TAFA2: variants seen among roughly 807,000 people sequenced by gnomAD.
The protein encoded by TAFA2 is TAFA chemokine like family member 2.
In TAFA2, 7 loss-of-function variants were observed where a neutral mutation model predicts 18.8. That is an observed-to-expected ratio of 0.37 (90% CI 0.21 to 0.70). TAFA2 has a LOEUF of 0.70. Ranked by LOEUF, TAFA2 falls within the 30% of genes least tolerant of loss-of-function variation. The pLI is 0.53. For missense variants in TAFA2, 122 were observed against 158.1 expected, an observed-to-expected ratio of 0.77 and a Z score of 1.23; for synonymous variants, 60 against 54.2, an observed-to-expected ratio of 1.11 and a Z score of -0.47.
chr12:62,124,929 T>A (rs560862500), intron 1 of TAFA2, among the ~76,000 whole-genome samples: 1 of 152,192 alleles, frequency 6.6e-6, no homozygotes, highest in South Asian at 2.1e-4. Context: ...ACTACATAAT[T>A]TGAAATAGCC....
intron 1 of TAFA2, among the ~76,000 whole-genome samples, chr12:62,065,302 C>T (rs373016664): frequency 2.6e-5 from 4 of 151,994 alleles, no homozygotes; most frequent in Non-Finnish European, 5.9e-5. Context: ...TCAGTCCAAA[C>T]GTCAACAATA....
intron 4 of TAFA2, among the ~76,000 whole-genome samples, chr12:61,722,241 C>G (rs964487054): frequency 2.6e-5 from 4 of 152,160 alleles, no homozygotes; most frequent in African/African-American, 9.6e-5. Context: ...AAAGACTAAT[C>G]ATGTAATTAG....
intron 1 of TAFA2, among the ~76,000 whole-genome samples, chr12:62,182,897 C>T (rs1403496342): frequency 6.6e-6 from 1 of 152,212 alleles, no homozygotes; most frequent in Non-Finnish European, 1.5e-5. Flanking sequence ...AGAAAACATA[C>T]AGCACAATAC....
chr12:62,096,964 ATC>A (rs998241437), intron 1 of TAFA2, among the ~76,000 whole-genome samples: 1 of 151,942 alleles, frequency 6.6e-6, no homozygotes, highest in Admixed American at 6.6e-5. Context: ...CATTTTGCAT[ATC>A]TCTCTCTCTC....
At chr12:62,150,336 G>A (rs1294141218) in intron 1 of TAFA2, among the ~76,000 whole-genome samples, 1 of 152,044 alleles carries the variant, frequency 6.6e-6, no homozygotes, top group Non-Finnish European at 1.5e-5. Context: ...AACAGATATG[G>A]TATTAGATAC....
chr12:61,872,786 GCTTTTCATAATCAC>G (rs1292902704), intron 1 of TAFA2, among the ~76,000 whole-genome samples: 3 of 152,002 alleles, frequency 2.0e-5, no homozygotes, highest in Non-Finnish European at 4.4e-5. Flanking sequence ...GTAGTGGTCT[GCTTTTCATAATCAC>G]CTTCACAGAG....
chr12:62,207,288 A>G (rs754291462), intron 1 of TAFA2: 2 of 152,208 alleles, frequency 1.3e-5, no homozygotes, highest in Admixed American at 1.3e-4. Context: ...ATATATTTCA[A>G]TTTACAAGAT....
intron 1 of TAFA2, among the ~76,000 whole-genome samples, chr12:62,017,684 T>A (rs146989409): frequency 4.0e-4 from 61 of 152,328 alleles, no homozygotes; most frequent in Admixed American, 1.9e-3. Flanking sequence ...ACAAGTTAAA[T>A]ACCAGGTTAT....
intron 4 of TAFA2, among the ~76,000 whole-genome samples, chr12:61,711,491 T>C (rs1327283497): frequency 6.6e-6 from 1 of 152,168 alleles, no homozygotes; most frequent in East Asian, 1.9e-4. Context: ...GTCAAAATTT[T>C]GATTTTATTC....
At chr12:62,161,613 G>A (rs949402799) in intron 1 of TAFA2, among the ~76,000 whole-genome samples, 4 of 152,098 alleles carry the variant, frequency 2.6e-5, no homozygotes, top group Admixed American at 6.6e-5. Flanking sequence ...GGTTATTCAG[G>A]TGATGGATGC....
chr12:62,128,435 C>T (rs186616292), intron 1 of TAFA2, among the ~76,000 whole-genome samples: 1 of 152,084 alleles, frequency 6.6e-6, no homozygotes, highest in East Asian at 1.9e-4. Flanking sequence ...GCTAATTATT[C>T]AACATAGCTG....
At chr12:62,137,391 C>T (rs899886472) in intron 1 of TAFA2, among the ~76,000 whole-genome samples, 1 of 152,066 alleles carries the variant, frequency 6.6e-6, no homozygotes, top group Non-Finnish European at 1.5e-5. Flanking sequence ...TATTATTATT[C>T]CTACTCAAGA....
At chr12:62,091,991 A>G (rs1204476970) in intron 1 of TAFA2, among the ~76,000 whole-genome samples, 2 of 152,018 alleles carry the variant, frequency 1.3e-5, no homozygotes, top group African/African-American at 4.8e-5. Flanking sequence ...AACCATTTGA[A>G]CATTTAAAAT....
At chr12:62,084,785 A>G (rs1160684800) in intron 1 of TAFA2, among the ~76,000 whole-genome samples, 1 of 152,176 alleles carries the variant, frequency 6.6e-6, no homozygotes, top group African/African-American at 2.4e-5. Flanking sequence ...AGTGATATGC[A>G]TTCAGCAGAA....
chr12:62,182,033 A>C (rs1299811548), intron 1 of TAFA2, among the ~76,000 whole-genome samples: 1 of 150,708 alleles, frequency 6.6e-6, no homozygotes. Context: ...TAGAACAAAA[A>C]CCTAGACATT....
chr12:62,105,108 T>G (rs1869390206), intron 1 of TAFA2, among the ~76,000 whole-genome samples: 1 of 152,184 alleles, frequency 6.6e-6, no homozygotes, highest in African/African-American at 2.4e-5. Context: ...ATTTTCAACT[T>G]TTATTTGTCC....
At chr12:62,241,659 G>T (rs2062863500) in intron 1 of TAFA2, among the ~76,000 whole-genome samples, 1 of 152,160 alleles carries the variant, frequency 6.6e-6, no homozygotes, top group African/African-American at 2.4e-5. Context: ...AACCCTTGAA[G>T]ATTTGTATGT....
In TAFA2 at chr12:62,059,139, ATGTGTG is replaced by A. The variant is rs374882700; in HGVS notation, c.-2+132114_-2+132119del. On this transcript the variant is annotated intron_variant, in intron 1 of 4. Coordinates refer to ENST00000416284, the MANE Select transcript of TAFA2 (RefSeq NM_178539.5). ...TAATAATATATATATATGTGTGTAT[ATGTGTG>A]TGTGTGTGTGTGTGTGTGTGTGTGT... is the stretch of plus-strand genomic sequence containing the variant. Among the ~76,000 whole-genome samples, 584 of 136,324 alleles carry A rather than the reference ATGTGTG, an allele frequency of 4.3e-3. 1 individual carries two copies. The highest frequency in any genetic ancestry group is 7.6e-3 in the Middle Eastern group (2 of 262). 89.4% of individuals were successfully genotyped at this position (136,324 alleles called of 152,430 possible). A position where few individuals can be genotyped will look rare whatever the true frequency, so the allele number is the denominator to read the frequency against.
At chr12:62,143,368 C>T (rs1355470887) in intron 1 of TAFA2, among the ~76,000 whole-genome samples, 5 of 152,164 alleles carry the variant, frequency 3.3e-5, no homozygotes. Context: ...ATCATTAAGG[C>T]CATGCCTGAT....
Sources: gnomAD v4.1 joint callset for allele counts (sites outside exome capture counted in the v4.1 genomes callset) on GRCh38, gnomAD v4.1.1 for gene constraint, MANE v1.5 for transcripts, NCBI Gene and HGNC (gene_info 2026-07-23, HGNC 2026-07-21) for gene names.